The following PACRG variants were observed in gnomAD, a reference collection of about 807,000 sequenced individuals.
PACRG encodes parkin coregulated gene protein.
Under a neutral mutation model 29.7 loss-of-function variants are expected in PACRG, and 29 were observed. That is an observed-to-expected ratio of 0.98 (90% CI 0.73 to 1.33). PACRG has a LOEUF of 1.33. Among genes scored for constraint, PACRG ranks in the 40% most tolerant of loss-of-function variants. The probability of loss-of-function intolerance (pLI) is 0.00; values close to 1 mark genes in which losing one functional copy is unlikely to be tolerated. For synonymous variants in PACRG, 116 were observed against 118.7 expected (o/e 0.98, Z 0.15); for missense variants, 279 against 316.2 (o/e 0.88, Z 0.89).
intron 3 of PACRG, among the ~76,000 whole-genome samples, chr6:163,080,251 T>C (rs1000141709): frequency 1.1e-4 from 17 of 152,108 alleles, no homozygotes; most frequent in African/African-American, 4.1e-4. Flanking sequence ...TGGTTTTTAC[T>C]CTGAAAATGG....
At chr6:163,029,240 C>A (rs933880916) in intron 2 of PACRG, among the ~76,000 whole-genome samples, 12 of 152,216 alleles carry the variant, frequency 7.9e-5, no homozygotes, top group Non-Finnish European at 1.3e-4. Flanking sequence ...TGAACCAATG[C>A]AGCTCTGCTA....
At chr6:162,956,741 T>A (rs1306952334) in intron 2 of PACRG, among the ~76,000 whole-genome samples, 1 of 152,128 alleles carries the variant, frequency 6.6e-6, no homozygotes, top group Non-Finnish European at 1.5e-5. Flanking sequence ...CAACCTCCTC[T>A]GTTTGGAAGG....
chr6:162,784,226 T>C (rs1784293751), intron 1 of PACRG, among the ~76,000 whole-genome samples: 1 of 152,200 alleles, frequency 6.6e-6, no homozygotes, highest in South Asian at 2.1e-4. Flanking sequence ...CAAACCTCTT[T>C]TCTTTTTGAA....
chr6:162,972,261 G>C (rs1801596468), intron 2 of PACRG, among the ~76,000 whole-genome samples: 1 of 152,170 alleles, frequency 6.6e-6, no homozygotes, highest in African/African-American at 2.4e-5. Flanking sequence ...GACATCCTCT[G>C]ACTCCTATGG....
At chr6:163,117,411 A>G (rs1189862753) in intron 4 of PACRG, among the ~76,000 whole-genome samples, 2 of 152,214 alleles carry the variant, frequency 1.3e-5, no homozygotes, top group Admixed American at 6.5e-5. Context: ...GAGGGCTCCC[A>G]GGAAATCAGA....
intron 2 of PACRG, among the ~76,000 whole-genome samples, chr6:162,860,639 G>A: frequency 6.6e-6 from 1 of 152,168 alleles, no homozygotes; most frequent in East Asian, 1.9e-4. Context: ...AATAAGTTGA[G>A]ATTTAATATT....
At chr6:163,088,971 T>C (rs1205837613) in intron 3 of PACRG, among the ~76,000 whole-genome samples, 5 of 152,208 alleles carry the variant, frequency 3.3e-5, no homozygotes, top group Non-Finnish European at 7.3e-5. Flanking sequence ...TTCATACTGC[T>C]TATCCAACTC....
rs147514375 is a variant in PACRG, at chr6:163,280,606, A to G, written c.614-34221A>G. 6.6e-5 allele frequency among the ~76,000 whole-genome samples: 10 copies of G among 152,292 alleles called. 1 individual carries two copies. The highest frequency in any genetic ancestry group is 2.4e-4 in the African/African-American group (10 of 41,570). On this transcript the variant is annotated intron_variant, in intron 4 of 4. Transcript: ENST00000366888. Reference sequence around the variant, plus strand: ...GAACCACAAAAATGTATAATCTCACATTTGTGGAGACAGGAAGTCCAAGAT... The same window carrying G: ...GAACCACAAAAATGTATAATCTCACGTTTGTGGAGACAGGAAGTCCAAGAT...
chr6:162,903,209 C>T (rs189402138), intron 2 of PACRG, among the ~76,000 whole-genome samples: 4 of 152,124 alleles, frequency 2.6e-5, no homozygotes, highest in Admixed American at 2.0e-4. Context: ...GACCCACCCC[C>T]GACCATCTGA....
At chr6:163,063,550 C>G (rs1011583015) in intron 3 of PACRG, among the ~76,000 whole-genome samples, 1 of 152,202 alleles carries the variant, frequency 6.6e-6, no homozygotes, top group African/African-American at 2.4e-5. Flanking sequence ...CATTTTTATT[C>G]ATTCATTCGA....
At chr6:163,006,985 G>T (rs1202858993) in intron 2 of PACRG, among the ~76,000 whole-genome samples, 2 of 151,644 alleles carry the variant, frequency 1.3e-5, no homozygotes, top group African/African-American at 4.8e-5. Flanking sequence ...TGTCCCATGT[G>T]TCCTGGTTCC....
Position 163,023,487 on chromosome 6 carries a change from G to A in PACRG, c.292-38663G>A, listed in dbSNP as rs962371155. ...ATCCACTCCACTGTTGATGGGCACC[G>A]GGGTTGACTCCATGTCTTTGTCATT... On this transcript the variant is annotated intron_variant, in intron 2 of 4. Transcript: ENST00000366888. 8.5e-5 allele frequency among the ~76,000 whole-genome samples: 13 copies of A among 152,280 alleles called. 1 individual carries two copies. Among genetic ancestry groups the A allele is most frequent in the South Asian group, 8.3e-4 (4 of 4,830 alleles).
chr6:162,893,620 CT>C (rs1378358701), intron 2 of PACRG, among the ~76,000 whole-genome samples: 1 of 152,202 alleles, frequency 6.6e-6, no homozygotes, highest in Non-Finnish European at 1.5e-5. Context: ...AGTTGCTTTT[CT>C]TCCCCAAAAC....
At chr6:163,037,573 G>C (rs1405327459) in intron 2 of PACRG, among the ~76,000 whole-genome samples, 1 of 152,216 alleles carries the variant, frequency 6.6e-6, no homozygotes, top group Non-Finnish European at 1.5e-5. Flanking sequence ...CCCTGGCTTT[G>C]AGCTGGTCAC....
chr6:162,998,579 T>A (rs1804298149), intron 2 of PACRG, among the ~76,000 whole-genome samples: 1 of 152,200 alleles, frequency 6.6e-6, no homozygotes, highest in Non-Finnish European at 1.5e-5. Flanking sequence ...AGCATGGTGT[T>A]CTTTTCTTTA....
intron 2 of PACRG, among the ~76,000 whole-genome samples, chr6:162,845,501 A>C (rs1296897900): frequency 6.6e-6 from 1 of 152,188 alleles, no homozygotes; most frequent in African/African-American, 2.4e-5. Flanking sequence ...AAAAATTTCA[A>C]GTATACACAG....
chr6:163,138,980 C>T (rs891532079), intron 4 of PACRG, among the ~76,000 whole-genome samples: 5 of 152,212 alleles, frequency 3.3e-5, no homozygotes, highest in South Asian at 2.1e-4. Context: ...TCATATAGAC[C>T]GGCCATATCC....
chr6:163,165,308 GT>G (rs1778747752), intron 4 of PACRG: 1 of 152,666 alleles, frequency 6.6e-6, no homozygotes, highest in South Asian at 2.1e-4. Context: ...ACGGTAAATG[GT>G]TTGGTGGAGC....
intron 2 of PACRG, among the ~76,000 whole-genome samples, chr6:162,846,162 G>A (rs1196734334): frequency 1.3e-5 from 2 of 152,104 alleles, no homozygotes; most frequent in Admixed American, 1.3e-4. Flanking sequence ...GGCCCTTAGA[G>A]CCACAGTGGC....
Sources: allele counts gnomAD v4.1 joint callset (sites outside exome capture counted in the v4.1 genomes callset), GRCh38; gene constraint gnomAD v4.1.1; transcripts MANE v1.5; gene names NCBI Gene and HGNC (gene_info 2026-07-23, HGNC 2026-07-21).